The following SIPA1L1 variants were observed in gnomAD, a reference collection of about 807,000 sequenced individuals.
SIPA1L1 encodes signal-induced proliferation-associated 1-like protein 1.
Under a neutral mutation model 162.7 loss-of-function variants are expected in SIPA1L1, and 26 were observed. The ratio of observed to expected loss-of-function variants is 0.16; its 90% CI spans 0.12 to 0.22. SIPA1L1 has a LOEUF of 0.22. Among genes scored for constraint, SIPA1L1 ranks in the 10% least tolerant of loss-of-function variants. SIPA1L1 has a pLI of 1.00. For missense variants in SIPA1L1, 1,874 were observed against 2,241.0 expected, an observed-to-expected ratio of 0.84 and a Z score of 3.31; for synonymous variants, 829 against 837.4, an observed-to-expected ratio of 0.99 and a Z score of 0.17.
chr14:71,491,725 C>T (rs1015089698), intron 2 of SIPA1L1, among the ~76,000 whole-genome samples: 4 of 145,370 alleles, frequency 2.8e-5, no homozygotes, highest in African/African-American at 5.1e-5. Flanking sequence ...AGATTACAGG[C>T]GTGAGCCACC....
chr14:71,396,801 A>G (rs1422623608), intron 2 of SIPA1L1, among the ~76,000 whole-genome samples: 1 of 152,230 alleles, frequency 6.6e-6, no homozygotes, highest in African/African-American at 2.4e-5. Context: ...AATGCCATGT[A>G]ATGAGTTAAT....
intron 7 of SIPA1L1, among the ~76,000 whole-genome samples, chr14:71,646,232 A>T (rs1041710787): frequency 6.8e-6 from 1 of 146,352 alleles, no homozygotes; most frequent in Non-Finnish European, 1.5e-5. Context: ...GCTGGAGTGC[A>T]GTGGCGCTAT....
At chr14:71,708,307 C>G (rs1364151595) in intron 16 of SIPA1L1, among the ~76,000 whole-genome samples, 1 of 149,302 alleles carries the variant, frequency 6.7e-6, no homozygotes, top group African/African-American at 2.5e-5. Flanking sequence ...AAGGATCCAA[C>G]TTTATTCTTT....
At chr14:71,729,497 C>G (rs1009285721) in intron 19 of SIPA1L1, among the ~76,000 whole-genome samples, 1 of 152,166 alleles carries the variant, frequency 6.6e-6, no homozygotes. Context: ...ATCAAATACC[C>G]TTGTTGCCCA....
intron 19 of SIPA1L1, among the ~76,000 whole-genome samples, chr14:71,727,954 A>G (rs2084394097): frequency 6.6e-6 from 1 of 152,082 alleles, no homozygotes; most frequent in Admixed American, 6.5e-5. Context: ...TTAACTTTTC[A>G]TAGGGCACCC....
chr14:71,367,215 A>G (rs1161441495), intron 2 of SIPA1L1, among the ~76,000 whole-genome samples: 2 of 151,812 alleles, frequency 1.3e-5, no homozygotes, highest in African/African-American at 2.4e-5. Flanking sequence ...TAATAGCTGT[A>G]TACATTTTTT....
chr14:71,418,845 C>T (rs1001434801), intron 2 of SIPA1L1, among the ~76,000 whole-genome samples: 10 of 152,138 alleles, frequency 6.6e-5, no homozygotes, highest in African/African-American at 2.4e-4. Flanking sequence ...GTTCAGCATG[C>T]CACGTTCTGG....
chr14:71,395,868 T>A (rs1427189403), intron 2 of SIPA1L1, among the ~76,000 whole-genome samples: 1 of 152,176 alleles, frequency 6.6e-6, no homozygotes, highest in Non-Finnish European at 1.5e-5. Context: ...AGTTAAGGCT[T>A]TTTACAACTT....
intron 2 of SIPA1L1, among the ~76,000 whole-genome samples, chr14:71,396,319 G>A (rs1284193881): frequency 6.6e-6 from 1 of 152,084 alleles, no homozygotes; most frequent in Non-Finnish European, 1.5e-5. Context: ...GGGGAAGAGG[G>A]GAGTGTCTGG....
intron 2 of SIPA1L1, among the ~76,000 whole-genome samples, chr14:71,363,192 G>T (rs1212736940): frequency 1.3e-5 from 2 of 152,156 alleles, no homozygotes; most frequent in Admixed American, 6.5e-5. Flanking sequence ...AAAGCTTAAA[G>T]ACATGGATGG....
intron 7 of SIPA1L1, among the ~76,000 whole-genome samples, chr14:71,641,418 A>G (rs2041701595): frequency 6.6e-6 from 1 of 152,214 alleles, no homozygotes. Flanking sequence ...TTGCTGGGCT[A>G]TAAAGCCTAA....
intron 13 of SIPA1L1, among the ~76,000 whole-genome samples, chr14:71,686,997 A>G (rs374536514): frequency 6.6e-5 from 10 of 152,396 alleles, no homozygotes; most frequent in Admixed American, 2.6e-4. Context: ...AGGAAGATTT[A>G]GAAACCACAC....
At chr14:71,719,428 C>T (rs1469488635) in intron 17 of SIPA1L1, among the ~76,000 whole-genome samples, 1 of 152,240 alleles carries the variant, frequency 6.6e-6, no homozygotes, top group African/African-American at 2.4e-5. Flanking sequence ...TAGTGCTTCG[C>T]ATCCTTGCCA....
chr14:71,633,080 A>C (rs1040135803), intron 7 of SIPA1L1, among the ~76,000 whole-genome samples: 2 of 152,028 alleles, frequency 1.3e-5, no homozygotes, highest in African/African-American at 4.8e-5. Context: ...GCCATCATGA[A>C]AATGTTTCAA....
chr14:71,371,557 T>A (rs1444284132), intron 2 of SIPA1L1, among the ~76,000 whole-genome samples: 2 of 121,410 alleles, frequency 1.6e-5, no homozygotes, highest in African/African-American at 5.2e-5. Flanking sequence ...CTGGCTAATT[T>A]TTGTTTTGTT....
At chr14:71,466,119 C>T (rs1253002250) in intron 2 of SIPA1L1, among the ~76,000 whole-genome samples, 1 of 152,202 alleles carries the variant, frequency 6.6e-6, no homozygotes, top group African/African-American at 2.4e-5. Flanking sequence ...TTAACCATCA[C>T]AGGGCTTCAT....
chr14:71,414,924 T>C (rs890011822), intron 2 of SIPA1L1, among the ~76,000 whole-genome samples: 2 of 152,216 alleles, frequency 1.3e-5, no homozygotes, highest in African/African-American at 4.8e-5. Flanking sequence ...AACAACAGCT[T>C]AATGCAGATT....
At chr14:71,432,653 C>G (rs191067624) in intron 2 of SIPA1L1, among the ~76,000 whole-genome samples, 14 of 152,236 alleles carry the variant, frequency 9.2e-5, no homozygotes, top group African/African-American at 2.9e-4. Context: ...GAGAGTGGGA[C>G]TGAGAGACAG....
chr14:71,429,400 T>G (rs1177093618), intron 2 of SIPA1L1, among the ~76,000 whole-genome samples: 1 of 40,746 alleles, frequency 2.5e-5, no homozygotes, highest in African/African-American at 1.6e-4. Context: ...ATTTAATATC[T>G]GTAATTTTTT....
Sources: gnomAD v4.1 joint callset for allele counts (sites outside exome capture counted in the v4.1 genomes callset) on GRCh38, gnomAD v4.1.1 for gene constraint, MANE v1.5 for transcripts, NCBI Gene and HGNC (gene_info 2026-07-23, HGNC 2026-07-21) for gene names.